Variants in CADPS observed in about 807,000 individuals in gnomAD.
CADPS encodes the protein calcium-dependent secretion activator 1.
CADPS carries 57 observed loss-of-function variants against 167.3 expected under a neutral mutation model. The ratio of observed to expected loss-of-function variants is 0.34; its 90% confidence interval spans 0.28 to 0.42. CADPS has a LOEUF of 0.42. Among genes scored for constraint, CADPS ranks in the 20% least tolerant of loss-of-function variants. The pLI is 1.00. For missense variants in CADPS, 1,414 were observed against 1,738.1 expected (o/e 0.81, Z 3.32); for synonymous variants, 676 against 635.3 (o/e 1.06, Z -0.96).
chr3:62,462,798 A>G (rs1410199393), intron 26 of CADPS, among the ~76,000 whole-genome samples: 3 of 152,194 alleles, frequency 2.0e-5, no homozygotes, highest in African/African-American at 4.8e-5. Context: ...TGGGGAATTA[A>G]CACAATTGGG....
intron 9 of CADPS, among the ~76,000 whole-genome samples, chr3:62,563,502 C>T (rs904653992): frequency 6.6e-6 from 1 of 152,184 alleles, no homozygotes; most frequent in Non-Finnish European, 1.5e-5. Flanking sequence ...CTGAGTAATT[C>T]AGTTCTAGAA....
intron 3 of CADPS, among the ~76,000 whole-genome samples, chr3:62,715,277 G>C (rs1242844967): frequency 1.3e-5 from 2 of 151,854 alleles, no homozygotes; most frequent in African/African-American, 4.8e-5. Flanking sequence ...ATTTAGCCAG[G>C]ACTAGAGGTG....
At chr3:62,858,835 T>C (rs770787896) in intron 1 of CADPS, among the ~76,000 whole-genome samples, 47 of 152,318 alleles carry the variant, frequency 3.1e-4, no homozygotes, top group Admixed American at 6.5e-4. Context: ...ATCTGCTTTA[T>C]GATAGGCAGG....
In CADPS at chr3:62,499,188, G is replaced by A. The variant is rs2065296596; in HGVS notation, c.2680C>T (p.Gln894Ter). The A allele has an allele frequency of 6.2e-7, 1 of 1,613,116 alleles. No homozygotes were observed. Among genetic ancestry groups the A allele is most frequent in the African/African-American group, 1.3e-5 (1 of 74,874 alleles). ...RLAELVIEVL[Q>*]QNEEHHAEPH... ...TCTGCGTGGTGCTCCTCATTTTGCT[G>A]AAGAACTTCAATGACTAGTTCAGCA... is the stretch of plus-strand genomic sequence containing the variant. The change falls in exon 18 of 30, where the codon CAG becomes TAG. Residue 894 changes from glutamine (Q) to a stop codon, truncating the protein, a stop_gained. Coordinates refer to ENST00000383710, the MANE Select transcript of CADPS (RefSeq NM_003716.4). LOFTEE classifies it high-confidence loss of function.
intron 21 of CADPS, among the ~76,000 whole-genome samples, chr3:62,483,487 G>A (rs1462238085): frequency 6.6e-6 from 1 of 152,014 alleles, no homozygotes; most frequent in East Asian, 1.9e-4. Flanking sequence ...TGGCAATATA[G>A]CCCCAGCTCA....
At chr3:62,593,407 T>C (rs534487814) in intron 6 of CADPS, among the ~76,000 whole-genome samples, 2 of 152,286 alleles carry the variant, frequency 1.3e-5, no homozygotes, top group African/African-American at 4.8e-5. Context: ...GAGCACCAGG[T>C]GCGGCTCACA....
At chr3:62,799,282 G>A (rs751307520) in intron 1 of CADPS, among the ~76,000 whole-genome samples, 73 of 152,076 alleles carry the variant, frequency 4.8e-4, no homozygotes, top group Non-Finnish European at 1.3e-4. Flanking sequence ...CTAGATTCTG[G>A]CTTTTGTAGC....
intron 10 of CADPS, among the ~76,000 whole-genome samples, chr3:62,555,490 C>A (rs2077989849): frequency 6.6e-6 from 1 of 152,194 alleles, no homozygotes; most frequent in Non-Finnish European, 1.5e-5. Flanking sequence ...CCCGGAGTCC[C>A]AGCTCAGCCA....
chr3:62,854,250 T>A (rs776979641), intron 1 of CADPS, among the ~76,000 whole-genome samples: 5 of 152,198 alleles, frequency 3.3e-5, no homozygotes, highest in Non-Finnish European at 7.3e-5. Flanking sequence ...TAGACTAAAA[T>A]TATGAACCTC....
intron 17 of CADPS, among the ~76,000 whole-genome samples, chr3:62,505,372 G>A (rs7650561): frequency 0.37 from 56,289 of 152,010 alleles, 11,854 homozygotes; most frequent in Non-Finnish European, 0.47. Flanking sequence ...AGCCATCGTT[G>A]TCTTTTCCCT....
intron 3 of CADPS, among the ~76,000 whole-genome samples, chr3:62,697,004 T>G (rs550934611): frequency 7.7e-4 from 117 of 152,220 alleles, no homozygotes; most frequent in Middle Eastern, 3.4e-3. Context: ...CTGAGAGATG[T>G]AGCAAGGCAG....
At chr3:62,778,062 A>T (rs2090741945) in intron 1 of CADPS, among the ~76,000 whole-genome samples, 1 of 152,228 alleles carries the variant, frequency 6.6e-6, no homozygotes, top group South Asian at 2.1e-4. Flanking sequence ...ATTTAAAGGC[A>T]TCAGTGATTT....
intron 1 of CADPS, among the ~76,000 whole-genome samples, chr3:62,867,502 T>G (rs2081919448): frequency 6.6e-6 from 1 of 152,026 alleles, no homozygotes. Flanking sequence ...GAAATACAAG[T>G]GAAATGTCTC....
At chr3:62,733,521 T>G (rs145058131) in intron 3 of CADPS, among the ~76,000 whole-genome samples, 1 of 152,238 alleles carries the variant, frequency 6.6e-6, no homozygotes, top group African/African-American at 2.4e-5. Flanking sequence ...CCTGAGGTCA[T>G]GAAATATATT....
At chr3:62,585,716 T>C (rs1400698629) in intron 7 of CADPS, among the ~76,000 whole-genome samples, 1 of 152,250 alleles carries the variant, frequency 6.6e-6, no homozygotes, top group African/African-American at 2.4e-5. Context: ...TTTTCTCCAT[T>C]CTTTAGGATT....
chr3:62,597,700 G>T (rs1012457472), intron 6 of CADPS, among the ~76,000 whole-genome samples: 1 of 152,152 alleles, frequency 6.6e-6, no homozygotes. Context: ...CGGAATTCAG[G>T]CCGCTGGAGG....
chr3:62,677,497 A>G (rs916626836), intron 3 of CADPS, among the ~76,000 whole-genome samples: 3 of 152,004 alleles, frequency 2.0e-5, no homozygotes, highest in South Asian at 4.1e-4. Flanking sequence ...CGTTGTCACA[A>G]TGGAGGGTGA....
chr3:62,555,035 G>T (rs924283281), intron 10 of CADPS, among the ~76,000 whole-genome samples: 3 of 152,186 alleles, frequency 2.0e-5, no homozygotes, highest in African/African-American at 7.2e-5. Flanking sequence ...TTACAGGCGT[G>T]AGGCACCGCG....
At chr3:62,499,030 T>G in intron 18 of CADPS, 132 bp downstream of exon 18, 1 of 558,708 alleles carries the variant, frequency 1.8e-6, no homozygotes. Flanking sequence ...AACTTCCACT[T>G]TCATTCCCTT....
Sources: gnomAD v4.1 joint callset for allele counts (sites outside exome capture counted in the v4.1 genomes callset) on GRCh38, gnomAD v4.1.1 for gene constraint, MANE v1.5 for transcripts, NCBI Gene and HGNC (gene_info 2026-07-23, HGNC 2026-07-21) for gene names.